The following MYLIP variants were observed in gnomAD, a reference collection of about 807,000 sequenced individuals.
The protein encoded by MYLIP is E3 ubiquitin-protein ligase MYLIP.
MYLIP carries 26 observed loss-of-function variants against 45.8 expected under a neutral mutation model. That is an observed-to-expected ratio of 0.57 (90% CI 0.42 to 0.79). The LOEUF is 0.79. MYLIP is among the 30% of genes least tolerant of loss of function. MYLIP has a pLI of 0.00. For missense variants in MYLIP, 494 were observed against 555.6 expected (o/e 0.89, Z 1.11); for synonymous variants, 213 against 218.1 (o/e 0.98, Z 0.21).
chr6:16,129,904 C>G lies in MYLIP; in HGVS notation c.87+495C>G, dbSNP rs1251265549. ...CTCAGGCTGCTGCTCTCAAATGCACCGTTCACCTGCATCTCCGGGTTTGCG... is the reference window on the plus strand; with the variant it reads ...CTCAGGCTGCTGCTCTCAAATGCACGGTTCACCTGCATCTCCGGGTTTGCG... On this transcript the variant is annotated intron_variant, in intron 1 of 6. Coordinates refer to ENST00000356840, the MANE Select transcript of MYLIP (RefSeq NM_013262.4). This position sits in a 1 kb window ranked among gnomAD's most constrained non-coding sequence, Gnocchi z 5.1. Among the ~76,000 whole-genome samples, 1 of 152,234 alleles carries G rather than the reference C, an allele frequency of 6.6e-6. No homozygotes were observed. The highest frequency in any genetic ancestry group is 1.5e-5 in the Non-Finnish European group (1 of 68,038).
chr6:16,138,677 C>G (rs183049991), intron 2 of MYLIP, among the ~76,000 whole-genome samples: 191 of 152,246 alleles, frequency 1.3e-3, no homozygotes, highest in African/African-American at 4.4e-3. Context: ...ACCCTAAAAC[C>G]CCAGCTTAGG....
intron 1 of MYLIP, 60 bp from the exon 2 acceptor site, chr6:16,130,497 G>A (rs930579587): frequency 2.6e-6 from 4 of 1,519,838 alleles, no homozygotes; most frequent in Non-Finnish European, 3.6e-6. Flanking sequence ...TCAGGGAGCC[G>A]TTGGGTTTGC....
chr6:16,146,862 G>A lies in MYLIP; in HGVS notation c.*111G>A, dbSNP rs993659242. ...TTATTCCAACACCCATCTGCCATGC[G>A]ATGTTAAAAAAAAAAAAAAGGAAGA... On this transcript the variant is annotated 3_prime_UTR_variant, in exon 7 of 7. Coordinates refer to ENST00000356840, the MANE Select transcript of MYLIP (RefSeq NM_013262.4). 53 of 815,746 alleles carry A rather than the reference G, an allele frequency of 6.5e-5. No homozygotes were observed. The highest frequency in any genetic ancestry group is 3.7e-4 in the Middle Eastern group (1 of 2,718). The allele number at this position is 815,746 out of a possible 1,614,324, so 50.5% of individuals were successfully genotyped here.
chr6:16,162,232 G>T, the MYLIP span, among the ~76,000 whole-genome samples: 1 of 152,206 alleles, frequency 6.6e-6, no homozygotes, highest in Non-Finnish European at 1.5e-5. Context: ...GTGGGAAAAT[G>T]CTATATTAAT....
At chr6:16,150,861 T>C (rs755557645), downstream of MYLIP, among the ~76,000 whole-genome samples, 23 of 152,212 alleles carry the variant, frequency 1.5e-4, no homozygotes, top group Non-Finnish European at 2.4e-4. Context: ...ATTGTATATT[T>C]ATCTTGTCAC....
At chr6:16,134,949 A>G (rs1759521467) in intron 2 of MYLIP, among the ~76,000 whole-genome samples, 1 of 152,036 alleles carries the variant, frequency 6.6e-6, no homozygotes, top group Non-Finnish European at 1.5e-5. Context: ...TTAAAACGAC[A>G]TGTAAAATTA....
In MYLIP at chr6:16,129,125, G is replaced by A; in HGVS notation, c.-198G>A. The A allele has an allele frequency of 5.2e-6, 3 of 582,414 alleles. No homozygotes were observed. Among genetic ancestry groups the A allele is most frequent in the South Asian group, 4.1e-5 (2 of 48,742 alleles). 36.1% of individuals were successfully genotyped at this position (582,414 alleles called of 1,614,324 possible). On this transcript the variant is annotated 5_prime_UTR_variant, in exon 1 of 7. Coordinates refer to ENST00000356840, the MANE Select transcript of MYLIP (RefSeq NM_013262.4). The surrounding 1 kb of genome is among the most constrained non-coding windows in gnomAD (Gnocchi z 5.1). ...AGTGCGGCGCCACCGCGGAGGACAGGGGCAGCTGGCGGGCAGCGGGTGAGG... is the reference window on the plus strand; with the variant it reads ...AGTGCGGCGCCACCGCGGAGGACAGAGGCAGCTGGCGGGCAGCGGGTGAGG...
rs368658363 is a variant in MYLIP, at chr6:16,148,120, A to G, written c.*1369A>G. On this transcript the variant is annotated 3_prime_UTR_variant, in exon 7 of 7. Transcript: ENST00000356840. ...ACTTTTTTATGGCACATATTAGCAT[A>G]TAAGCCTTTATTCCAAGAGGTATTT... 8 of 152,758 alleles carry G rather than the reference A, an allele frequency of 5.2e-5. No homozygotes were observed. The East Asian group carries it at 1.5e-3, about 29-fold the overall frequency. The allele number at this position is 152,758 out of a possible 1,614,324, so 9.5% of individuals were successfully genotyped here. A position where few individuals can be genotyped will look rare whatever the true frequency, so the allele number is the denominator to read the frequency against.
chr6:16,131,855 C>G (rs1034545792), intron 2 of MYLIP, among the ~76,000 whole-genome samples: 1 of 152,148 alleles, frequency 6.6e-6, no homozygotes, highest in Non-Finnish European at 1.5e-5. Flanking sequence ...TTGAGGCAGA[C>G]GTTTAATTTT....
chr6:16,144,751 A>G (rs946260535), intron 5 of MYLIP, 146 bp from the exon 6 acceptor site: 1 of 839,178 alleles, frequency 1.2e-6, no homozygotes, highest in Non-Finnish European at 1.8e-6. Context: ...AATATTTACC[A>G]GACGTAAAAC....
In MYLIP at chr6:16,145,021, A is replaced by G; in HGVS notation, c.952A>G (p.Thr318Ala). ...GAAATATGTCTTTGATATTAAAAGA[A>G]CATCAAAGGAGGTGTATGACCATGC... ...GKKYVFDIKR[T>A]SKEVYDHARR... The change falls in exon 6 of 7, where the codon ACA (threonine) becomes GCA (alanine). Residue 318 changes from threonine (T) to alanine (A), a missense_variant. By Grantham distance (58) the Thr-to-Ala change is moderately conservative. Transcript: ENST00000356840. The G allele has an allele frequency of 6.2e-7, 1 of 1,614,250 alleles. No individual in the cohort carries two copies. Among genetic ancestry groups the G allele is most frequent in the Non-Finnish European group, 8.5e-7 (1 of 1,180,042 alleles).
In MYLIP at chr6:16,129,474, G is replaced by T; in HGVS notation, c.87+65G>T. On this transcript the variant is annotated intron_variant, in intron 1 of 6. Transcript: ENST00000356840. This position sits in a 1 kb window ranked among gnomAD's most constrained non-coding sequence, Gnocchi z 5.1. The stretch of plus-strand genomic sequence containing the variant: ...CGAGGCCGAGGGGCCTCGCAGCGAC[G>T]CCTGGCACTCTGGCGCGCCCCCTAC... 4 of 1,472,994 alleles carry T rather than the reference G, an allele frequency of 2.7e-6. No homozygotes were observed. Among genetic ancestry groups the T allele is most frequent in the Non-Finnish European group, 1.8e-6 (2 of 1,086,884 alleles). The allele number at this position is 1,472,994 out of a possible 1,614,324, so 91.2% of individuals were successfully genotyped here.
the MYLIP span, among the ~76,000 whole-genome samples, chr6:16,160,277 G>A: frequency 1.3e-5 from 2 of 152,142 alleles, no homozygotes; most frequent in African/African-American, 2.4e-5. Flanking sequence ...TTAAGAGAGG[G>A]GGGTTATGGC....
intron 4 of MYLIP, among the ~76,000 whole-genome samples, 186 bp downstream of exon 4, chr6:16,143,403 T>C (rs961576655): frequency 1.3e-5 from 2 of 152,216 alleles, no homozygotes; most frequent in African/African-American, 4.8e-5. Context: ...AGGTATACAA[T>C]GTGGCAGAGT....
At chr6:16,155,202 G>T in the MYLIP span, among the ~76,000 whole-genome samples, 1 of 152,204 alleles carries the variant, frequency 6.6e-6, no homozygotes, top group Non-Finnish European at 1.5e-5. Context: ...CCCAAGGGCA[G>T]CTCCTGTTCC....
At position 16,129,586 on chromosome 6, in the gene MYLIP, G is replaced by T. The variant is rs903225242; in HGVS notation, c.87+177G>T. ...GTGGGGCGCGCGGTCTCCTCCTGGCGCGCGTGGGGTGCGCGGAGAAAGCGC... is the reference window on the plus strand; with the variant it reads ...GTGGGGCGCGCGGTCTCCTCCTGGCTCGCGTGGGGTGCGCGGAGAAAGCGC... On this transcript the variant is annotated intron_variant, in intron 1 of 6. Transcript: ENST00000356840. This position sits in a 1 kb window ranked among gnomAD's most constrained non-coding sequence, Gnocchi z 5.1. 1.3e-4 allele frequency among the ~76,000 whole-genome samples: 20 copies of T among 152,250 alleles called. No individual in the cohort carries two copies. The highest frequency in any genetic ancestry group is 4.1e-4 in the African/African-American group (17 of 41,572).
At chr6:16,144,865 T>C in intron 5 of MYLIP, 32 bp from the exon 6 acceptor site, 1 of 1,586,416 alleles carries the variant, frequency 6.3e-7, no homozygotes. Context: ...GGCTCTTTGG[T>C]GTTAAAGTAG....
chr6:16,140,969 A>T (rs1759658320), intron 2 of MYLIP, among the ~76,000 whole-genome samples: 1 of 152,196 alleles, frequency 6.6e-6, no homozygotes, highest in Admixed American at 6.5e-5. Flanking sequence ...TACAAATGGG[A>T]GGATAGAACT....
At chr6:16,143,508 C>T (rs1182015824) in intron 4 of MYLIP, among the ~76,000 whole-genome samples, 191 bp from the exon 5 acceptor site, 2 of 152,224 alleles carry the variant, frequency 1.3e-5, no homozygotes, top group African/African-American at 4.8e-5. Flanking sequence ...TCCCATACTT[C>T]CCTCCACATA....
Sources: gnomAD v4.1 joint callset for allele counts (sites outside exome capture counted in the v4.1 genomes callset) on GRCh38, gnomAD v4.1.1 for gene constraint, Gnocchi (gnomAD v3.1) non-coding constraint, MANE v1.5 for transcripts, NCBI Gene and HGNC (gene_info 2026-07-23, HGNC 2026-07-21) for gene names.